The following CERS6 variants were observed in gnomAD, a reference collection of about 807,000 sequenced individuals.
CERS6 encodes the protein LAG1 homolog, ceramide synthase 6.
A neutral mutation model predicts 56.8 loss-of-function variants in CERS6; 26 were observed. The observed-to-expected ratio is 0.46, with a 90% confidence interval of 0.34 to 0.63. The LOEUF is 0.63. Ranked by LOEUF, CERS6 falls within the 30% of genes least tolerant of loss-of-function variation. The probability of loss-of-function intolerance (pLI) is 0.01; values close to 1 mark genes in which losing one functional copy is unlikely to be tolerated. For missense variants in CERS6, 415 were observed against 467.5 expected (o/e 0.89, Z 1.04); for synonymous variants, 164 against 173.3 (o/e 0.95, Z 0.42).
intron 1 of CERS6, among the ~76,000 whole-genome samples, chr2:168,517,360 G>C (rs1454558240): frequency 6.6e-6 from 1 of 151,508 alleles, no homozygotes; most frequent in Non-Finnish European, 1.5e-5. Context: ...GGCATTGTGG[G>C]GCGTGCCTGT....
At position 168,697,198 on chromosome 2, in the gene CERS6, T is replaced by A. The variant is rs546130759; in HGVS notation, c.609+2147T>A. On this transcript the variant is annotated intron_variant, in intron 6 of 9. Coordinates refer to ENST00000305747, the MANE Select transcript of CERS6 (RefSeq NM_203463.3). ...TATGGCTACAGGGCCCTTAATATGG[T>A]ATATATCAGCTGATTCTCAGAAGTA... 3.0e-4 allele frequency among the ~76,000 whole-genome samples: 46 copies of A among 152,290 alleles called. 1 individual carries two copies. Among genetic ancestry groups the A allele is most frequent in the East Asian group, 1.5e-3 (8 of 5,176 alleles).
intron 3 of CERS6, among the ~76,000 whole-genome samples, chr2:168,622,796 G>C (rs1684504397): frequency 6.6e-6 from 1 of 152,218 alleles, no homozygotes; most frequent in South Asian, 2.1e-4. Flanking sequence ...GGAAATGTTT[G>C]TCTTAAAGCA....
chr2:168,540,773 G>A (rs899390117), intron 1 of CERS6, among the ~76,000 whole-genome samples: 1 of 152,176 alleles, frequency 6.6e-6, no homozygotes, highest in Non-Finnish European at 1.5e-5. Flanking sequence ...GAGCCGTTTT[G>A]TCTGGTGAAT....
At chr2:168,574,266 C>G (rs1683194368) in intron 3 of CERS6, among the ~76,000 whole-genome samples, 1 of 152,088 alleles carries the variant, frequency 6.6e-6, no homozygotes, top group African/African-American at 2.4e-5. Context: ...TTACATGAAT[C>G]CTGGCTAAAT....
At chr2:168,589,280 G>A (rs927671554) in intron 3 of CERS6, among the ~76,000 whole-genome samples, 4 of 151,736 alleles carry the variant, frequency 2.6e-5, no homozygotes, top group South Asian at 2.1e-4. Context: ...TATGAGTTTC[G>A]GGCTTTATTT....
chr2:168,626,283 C>A (rs1308906319), intron 3 of CERS6, among the ~76,000 whole-genome samples: 2 of 152,134 alleles, frequency 1.3e-5, no homozygotes, highest in African/African-American at 4.8e-5. Flanking sequence ...AATCAAACGG[C>A]CCTCGTATGC....
In CERS6 at chr2:168,549,766, G is replaced by A. The variant is rs149050242; in HGVS notation, c.276+2065G>A. Among the ~76,000 whole-genome samples the A allele has an allele frequency of 3.7e-4, 57 of 152,280 alleles. No individual in the cohort carries two copies. In the East Asian group the frequency reaches 9.6e-3, roughly 26 times the overall value. Reference sequence around the variant, plus strand: ...CAGAAGCGTCATGTAAAATATAAATGCAGCAAAAGTTGGAACTGTTTTCCC... The same window carrying A: ...CAGAAGCGTCATGTAAAATATAAATACAGCAAAAGTTGGAACTGTTTTCCC... On this transcript the variant is annotated intron_variant, in intron 2 of 9. Transcript: ENST00000305747.
intron 4 of CERS6, among the ~76,000 whole-genome samples, chr2:168,656,590 G>A (rs1423274751): frequency 6.6e-6 from 1 of 151,998 alleles, no homozygotes; most frequent in Non-Finnish European, 1.5e-5. Flanking sequence ...CTCCCGGTGG[G>A]CTCGTGGTCT....
rs191910885 is a variant in CERS6 at position 168,711,970 on chromosome 2, A to C, written c.610-3031A>C. Among the ~76,000 whole-genome samples the C allele has an allele frequency of 2.2e-3, 331 of 152,176 alleles. 3 individuals are homozygous for C. Among genetic ancestry groups the C allele is most frequent in the African/African-American group, 7.3e-3 (304 of 41,526 alleles). ...AAACCAAACAAAAAAATAATAACTG[A>C]ATTGGAGAATAGAAATTAGAGACAG... On this transcript the variant is annotated intron_variant, in intron 6 of 9. Transcript: ENST00000305747.
intron 4 of CERS6, among the ~76,000 whole-genome samples, chr2:168,645,108 A>ATATATAT (rs1559033995): frequency 4.4e-5 from 3 of 67,552 alleles, no homozygotes; most frequent in African/African-American, 1.7e-4. Context: ...AAAAAAAAAA[A>ATATATAT]AAAAAAAAAT....
chr2:168,730,307 C>T (rs1348894065), intron 8 of CERS6, among the ~76,000 whole-genome samples: 1 of 152,156 alleles, frequency 6.6e-6, no homozygotes, highest in Non-Finnish European at 1.5e-5. Flanking sequence ...ATTGGAAATA[C>T]AAGCATCAAA....
intron 3 of CERS6, among the ~76,000 whole-genome samples, chr2:168,608,898 T>G (rs1574097486): frequency 1.3e-5 from 2 of 152,346 alleles, no homozygotes; most frequent in Non-Finnish European, 2.9e-5. Context: ...AATATTTTTT[T>G]CTCATGTTGA....
intron 1 of CERS6, among the ~76,000 whole-genome samples, chr2:168,479,657 G>A (rs1039541449): frequency 2.0e-5 from 3 of 152,138 alleles, no homozygotes; most frequent in African/African-American, 7.2e-5. Flanking sequence ...TGCCCAGGCT[G>A]GAGTGCAATG....
intron 6 of CERS6, among the ~76,000 whole-genome samples, chr2:168,697,553 CTTT>C (rs113250500): frequency 6.4e-5 from 9 of 141,194 alleles, no homozygotes; most frequent in African/African-American, 1.3e-4. Context: ...AACATTCTTC[CTTT>C]TTTTTTTTTT....
At chr2:168,687,251 A>T (rs1467427502) in intron 4 of CERS6, among the ~76,000 whole-genome samples, 1 of 152,248 alleles carries the variant, frequency 6.6e-6, no homozygotes, top group African/African-American at 2.4e-5. Flanking sequence ...TGATTCTCGC[A>T]AAGATTAGAA....
chr2:168,718,974 C>T (rs770050303), intron 8 of CERS6, among the ~76,000 whole-genome samples: 1 of 152,214 alleles, frequency 6.6e-6, no homozygotes, highest in African/African-American at 2.4e-5. Flanking sequence ...TACTTGCCCC[C>T]ATCTGTGTGA....
chr2:168,746,332 T>C (rs577737200), intron 8 of CERS6, among the ~76,000 whole-genome samples: 1 of 152,298 alleles, frequency 6.6e-6, no homozygotes, highest in East Asian at 1.9e-4. Context: ...TTTTAGAATT[T>C]TATTGCTACT....
At chr2:168,596,700 C>T (rs886722412) in intron 3 of CERS6, among the ~76,000 whole-genome samples, 2 of 151,794 alleles carry the variant, frequency 1.3e-5, no homozygotes, top group African/African-American at 2.4e-5. Flanking sequence ...ATTACAGGTG[C>T]GTGCCACCAT....
At chr2:168,472,551 G>A (rs563557975) in intron 1 of CERS6, among the ~76,000 whole-genome samples, 2 of 152,234 alleles carry the variant, frequency 1.3e-5, no homozygotes, top group East Asian at 3.9e-4. Context: ...TACAAAATCT[G>A]ATTGGTATTT....
Sources: gnomAD v4.1 joint callset for allele counts (sites outside exome capture counted in the v4.1 genomes callset) on GRCh38, gnomAD v4.1.1 for gene constraint, MANE v1.5 for transcripts, NCBI Gene and HGNC (gene_info 2026-07-23, HGNC 2026-07-21) for gene names.